Variants in NWD2 observed in about 807,000 individuals in gnomAD.
NWD2 encodes the protein NACHT and WD repeat domain-containing protein 2.
Under a neutral mutation model 132.7 loss-of-function variants are expected in NWD2, and 37 were observed. The ratio of observed to expected loss-of-function variants is 0.28; its 90% CI spans 0.21 to 0.37. The LOEUF is 0.37. Ranked by LOEUF, NWD2 falls within the 10% of genes least tolerant of loss-of-function variation. NWD2 has a pLI of 1.00. For synonymous variants in NWD2, 705 were observed against 803.0 expected, an observed-to-expected ratio of 0.88 and a Z score of 2.06; for missense variants, 1,592 against 2,122.4, an observed-to-expected ratio of 0.75 and a Z score of 4.91.
chr4:37,245,159 C>T lies in NWD2; in HGVS notation c.92C>T (p.Pro31Leu). The change falls in exon 1 of 7, where the codon CCC becomes CTC. Residue 31 changes from proline to leucine, a missense_variant. Around this residue, in one of 7 missense-constraint regions of NWD2, gnomAD observed 88 missense variants for 92.8 expected, o/e 0.95. Coordinates refer to ENST00000309447, the MANE Select transcript of NWD2 (RefSeq NM_001144990.2). ...TTCTCTGGGAACCTCACGGCCCTGC[C>T]CTCTCACCTCGTGCCCGCCGGCCGC... The part of the protein sequence containing the change: ...AAFSGNLTAL[P>L]SHLVPAGRSV... 1 of 1,546,902 alleles carries T rather than the reference C, an allele frequency of 6.5e-7. No individual in the cohort carries two copies. The highest frequency in any genetic ancestry group is 8.7e-7 in the Non-Finnish European group (1 of 1,146,472).
chr4:37,420,139 C>G (rs114689237), intron 3 of NWD2, among the ~76,000 whole-genome samples: 2,279 of 152,276 alleles, frequency 0.015, 58 homozygotes, highest in African/African-American at 0.052. Context: ...TTCATACTTA[C>G]ATTTATCTTT....
intron 1 of NWD2, among the ~76,000 whole-genome samples, chr4:37,321,679 G>A (rs1217853454): frequency 9.9e-5 from 15 of 152,244 alleles, no homozygotes; most frequent in South Asian, 2.1e-4. Context: ...CAGATTTGCC[G>A]TTGGTATGAA....
At chr4:37,259,438 TAA>T (rs1423414127) in intron 1 of NWD2, among the ~76,000 whole-genome samples, 4 of 152,190 alleles carry the variant, frequency 2.6e-5, no homozygotes, top group Non-Finnish European at 5.9e-5. Flanking sequence ...GCTGAATTTT[TAA>T]ATACCTAAGA....
At chr4:37,268,175 T>C (rs143817122) in intron 1 of NWD2, among the ~76,000 whole-genome samples, 99 of 152,098 alleles carry the variant, frequency 6.5e-4, no homozygotes, top group East Asian at 1.9e-3. Flanking sequence ...TTTGGGGTCA[T>C]CCTACTAGCC....
chr4:37,264,740 TA>T (rs1338994447), intron 1 of NWD2, among the ~76,000 whole-genome samples: 11 of 152,262 alleles, frequency 7.2e-5, no homozygotes, highest in African/African-American at 2.6e-4. Flanking sequence ...TTAATGCAGT[TA>T]TAGTTTATGT....
chr4:37,261,054 C>G (rs763159803), intron 1 of NWD2, among the ~76,000 whole-genome samples: 2 of 152,140 alleles, frequency 1.3e-5, no homozygotes, highest in Non-Finnish European at 2.9e-5. Context: ...TTGGAAATAT[C>G]CTGGGATTCA....
intron 2 of NWD2, among the ~76,000 whole-genome samples, chr4:37,351,984 G>C (rs192859272): frequency 2.9e-4 from 44 of 152,106 alleles, no homozygotes; most frequent in Admixed American, 2.9e-3. Flanking sequence ...ATAGTTGTGC[G>C]GTTTTGAGTG....
intron 2 of NWD2, among the ~76,000 whole-genome samples, chr4:37,342,850 C>A (rs1410028038): frequency 6.6e-6 from 1 of 152,162 alleles, no homozygotes; most frequent in Admixed American, 6.5e-5. Context: ...TATTGTTGGT[C>A]TCCTTCTTTC....
intron 2 of NWD2, among the ~76,000 whole-genome samples, chr4:37,345,341 T>C (rs764660146): frequency 5.0e-4 from 76 of 152,180 alleles, no homozygotes; most frequent in Non-Finnish European, 9.3e-4. Context: ...CCATCAGCAA[T>C]GTATGAGGGT....
At chr4:37,432,149 C>G (rs1712196865) in intron 4 of NWD2, among the ~76,000 whole-genome samples, 1 of 151,954 alleles carries the variant, frequency 6.6e-6, no homozygotes, top group African/African-American at 2.4e-5. Flanking sequence ...CAAACAATGC[C>G]TCTCTTCTGT....
chr4:37,380,008 C>T (rs1008166351), intron 3 of NWD2, among the ~76,000 whole-genome samples: 6 of 152,226 alleles, frequency 3.9e-5, no homozygotes, highest in African/African-American at 1.4e-4. Context: ...TTGGCTCCGC[C>T]ACTTGTTCTA....
intron 3 of NWD2, among the ~76,000 whole-genome samples, chr4:37,405,498 T>G (rs1720984855): frequency 6.7e-6 from 1 of 148,954 alleles, no homozygotes; most frequent in Non-Finnish European, 1.5e-5. Context: ...ATAGAAAACA[T>G]CAGGGCGAAT....
intron 1 of NWD2, among the ~76,000 whole-genome samples, chr4:37,259,534 G>A (rs779692719): frequency 3.3e-5 from 5 of 152,116 alleles, no homozygotes; most frequent in Non-Finnish European, 7.4e-5. Context: ...GGACAGCAGG[G>A]CCCACTTTAG....
At chr4:37,382,655 A>C (rs1720476010) in intron 3 of NWD2, among the ~76,000 whole-genome samples, 1 of 152,026 alleles carries the variant, frequency 6.6e-6, no homozygotes, top group Non-Finnish European at 1.5e-5. Context: ...TTCCAGCTGG[A>C]GAATTTCCTG....
At chr4:37,370,957 A>G (rs768944660) in intron 3 of NWD2, among the ~76,000 whole-genome samples, 2 of 152,002 alleles carry the variant, frequency 1.3e-5, no homozygotes, top group Admixed American at 6.6e-5. Context: ...TGGTACCCCC[A>G]CACAGACCGC....
At chr4:37,296,308 T>C (rs1401193364) in intron 1 of NWD2, among the ~76,000 whole-genome samples, 2 of 152,170 alleles carry the variant, frequency 1.3e-5, no homozygotes, top group East Asian at 1.9e-4. Context: ...ATCAACAATA[T>C]GTATTAAATA....
chr4:37,260,128 T>A (rs1381472583), intron 1 of NWD2, among the ~76,000 whole-genome samples: 3 of 152,162 alleles, frequency 2.0e-5, no homozygotes, highest in Non-Finnish European at 2.9e-5. Context: ...ATTGGAGCAT[T>A]TTCACTAGAG....
chr4:37,309,649 C>T (rs1014323267), intron 1 of NWD2, among the ~76,000 whole-genome samples: 4 of 152,162 alleles, frequency 2.6e-5, no homozygotes, highest in Non-Finnish European at 5.9e-5. Flanking sequence ...GTCTCAAAGC[C>T]TGTGAATACT....
At chr4:37,327,318 A>C (rs1478581592) in intron 2 of NWD2, among the ~76,000 whole-genome samples, 1 of 152,118 alleles carries the variant, frequency 6.6e-6, no homozygotes, top group Non-Finnish European at 1.5e-5. Flanking sequence ...TAGCTGAGGG[A>C]GAAAGAGAAA....
Sources: allele counts gnomAD v4.1 joint callset (sites outside exome capture counted in the v4.1 genomes callset), GRCh38; gene constraint gnomAD v4.1.1; regional missense constraint gnomAD v4.1.1; transcripts MANE v1.5; gene names NCBI Gene and HGNC (gene_info 2026-07-23, HGNC 2026-07-21).